The following SORCS3 variants were observed in gnomAD, a reference collection of about 807,000 sequenced individuals.
SORCS3 encodes the protein VPS10 domain-containing receptor SorCS3.
Under a neutral mutation model 146.3 loss-of-function variants are expected in SORCS3, and 57 were observed. The observed-to-expected ratio is 0.39, with a 90% CI of 0.31 to 0.49. The LOEUF is 0.49. Among genes scored for constraint, SORCS3 ranks in the 20% least tolerant of loss-of-function variants. SORCS3 has a pLI of 0.92. For synonymous variants in SORCS3, 653 were observed against 618.5 expected (o/e 1.06, Z -0.83); for missense variants, 1,341 against 1,575.5 (o/e 0.85, Z 2.52).
At chr10:104,997,958 A>G (rs940805852) in intron 4 of SORCS3, among the ~76,000 whole-genome samples, 16 of 152,294 alleles carry the variant, frequency 1.1e-4, no homozygotes, top group Non-Finnish European at 2.1e-4. Context: ...GATGATCAGC[A>G]GGAAATGGCC....
intron 3 of SORCS3, among the ~76,000 whole-genome samples, chr10:104,975,055 C>T (rs981434515): frequency 5.9e-5 from 9 of 151,938 alleles, no homozygotes; most frequent in Non-Finnish European, 1.0e-4. Flanking sequence ...GAGTTTCTGC[C>T]GAGAGATCCC....
chr10:105,094,896 G>T (rs1439706846), intron 6 of SORCS3, among the ~76,000 whole-genome samples: 2 of 152,192 alleles, frequency 1.3e-5, no homozygotes, highest in Middle Eastern at 3.2e-3. Flanking sequence ...ATGGAGATAG[G>T]TTGGTGAAGG....
intron 1 of SORCS3, among the ~76,000 whole-genome samples, chr10:104,794,998 A>C (rs888052952): frequency 6.6e-6 from 1 of 152,232 alleles, no homozygotes. Flanking sequence ...TAGGTATATC[A>C]GACCCAGTTT....
At chr10:104,909,094 A>C (rs1221018931) in intron 2 of SORCS3, among the ~76,000 whole-genome samples, 1 of 152,142 alleles carries the variant, frequency 6.6e-6, no homozygotes, top group East Asian at 1.9e-4. Context: ...CTAGAGCAGC[A>C]CCACCAAATC....
At chr10:104,852,236 C>G (rs1041330472) in intron 2 of SORCS3, among the ~76,000 whole-genome samples, 1 of 152,186 alleles carries the variant, frequency 6.6e-6, no homozygotes. Context: ...GATCTGTGGT[C>G]CCTAGTGGGT....
chr10:104,943,273 G>A (rs2133620037), intron 3 of SORCS3, among the ~76,000 whole-genome samples: 1 of 152,142 alleles, frequency 6.6e-6, no homozygotes, highest in East Asian at 1.9e-4. Context: ...GGGAGTACAG[G>A]TGCATGCTGC....
intron 1 of SORCS3, among the ~76,000 whole-genome samples, chr10:104,773,217 A>G (rs910479381): frequency 2.6e-5 from 4 of 152,148 alleles, no homozygotes; most frequent in Non-Finnish European, 4.4e-5. Flanking sequence ...ATCTGAGACC[A>G]CAGAGGCATG....
chr10:104,936,138 T>C (rs2019257636), intron 3 of SORCS3, among the ~76,000 whole-genome samples: 1 of 152,222 alleles, frequency 6.6e-6, no homozygotes, highest in South Asian at 2.1e-4. Flanking sequence ...ACCAGTAAAT[T>C]AATCTATTAT....
rs773281804 is a variant in SORCS3, at chr10:105,217,122, T to C, written c.2734T>C (p.Cys912Arg). 1.2e-6 allele frequency: 2 copies of C among 1,613,638 alleles called. No homozygotes were observed. Among genetic ancestry groups the C allele is most frequent in the Non-Finnish European group, 1.7e-6 (2 of 1,179,670 alleles). Residue 912 changes from cysteine to arginine, a missense_variant and splice_region_variant, in exon 19 of 27, where the codon TGT becomes CGT. Cys to Arg is a radical substitution (Grantham distance 180). Transcript: ENST00000369701. Reference sequence around the variant, plus strand: ...AGCTGTCCTCTTCCTGCATGTGGTTTGTAAGTAGGAGGCACCATCCCCGTT... The same window carrying C: ...AGCTGTCCTCTTCCTGCATGTGGTTCGTAAGTAGGAGGCACCATCCCCGTT... ...DTAVLFLHVV[C>R]PVEHVHLRVP...
At chr10:105,128,237 G>A (rs1481506978) in intron 7 of SORCS3, among the ~76,000 whole-genome samples, 1 of 152,154 alleles carries the variant, frequency 6.6e-6, no homozygotes, top group Non-Finnish European at 1.5e-5. Flanking sequence ...TGATGGGGAA[G>A]CTCCAAGAAG....
At chr10:104,718,081 G>A (rs2016500170) in intron 1 of SORCS3, among the ~76,000 whole-genome samples, 1 of 152,170 alleles carries the variant, frequency 6.6e-6, no homozygotes, top group African/African-American at 2.4e-5. Flanking sequence ...GGGAGGCGGA[G>A]GTTGTGGTGA....
intron 3 of SORCS3, among the ~76,000 whole-genome samples, chr10:104,944,718 G>A (rs552491069): frequency 3.7e-4 from 56 of 152,272 alleles, no homozygotes; most frequent in African/African-American, 1.1e-3. Flanking sequence ...TGGCAAGAAG[G>A]TGAGGCAACT....
intron 1 of SORCS3, among the ~76,000 whole-genome samples, chr10:104,778,853 A>T (rs1197863100): frequency 3.3e-5 from 5 of 151,904 alleles, no homozygotes; most frequent in Non-Finnish European, 7.4e-5. Context: ...CCACATCTCC[A>T]CTCCTGGAAC....
intron 5 of SORCS3, among the ~76,000 whole-genome samples, chr10:105,076,985 T>C (rs2055593011): frequency 6.6e-6 from 1 of 152,224 alleles, no homozygotes; most frequent in African/African-American, 2.4e-5. Context: ...GATTCTTTAA[T>C]CAAATTGAAT....
At chr10:104,884,489 T>G (rs1682360797) in intron 2 of SORCS3, among the ~76,000 whole-genome samples, 1 of 152,160 alleles carries the variant, frequency 6.6e-6, no homozygotes, top group Non-Finnish European at 1.5e-5. Flanking sequence ...GAGCTTTAGG[T>G]GCCAGGGAAA....
At chr10:104,947,796 T>C (rs990060119) in intron 3 of SORCS3, among the ~76,000 whole-genome samples, 1 of 152,046 alleles carries the variant, frequency 6.6e-6, no homozygotes, top group African/African-American at 2.4e-5. Flanking sequence ...CTAATTTTTG[T>C]ATTTTTAGTA....
intron 16 of SORCS3, among the ~76,000 whole-genome samples, chr10:105,202,625 T>A (rs1235505167): frequency 6.6e-6 from 1 of 152,186 alleles, no homozygotes; most frequent in African/African-American, 2.4e-5. Flanking sequence ...TCCAGTAGAA[T>A]GTAAGTGCTG....
intron 1 of SORCS3, among the ~76,000 whole-genome samples, chr10:104,796,968 T>A (rs1409893600): frequency 6.6e-6 from 1 of 152,362 alleles, no homozygotes; most frequent in East Asian, 1.9e-4. Context: ...GGATGGCCCT[T>A]GCCTGTCAGT....
intron 1 of SORCS3, among the ~76,000 whole-genome samples, chr10:104,710,635 C>T (rs556684447): frequency 6.6e-6 from 1 of 152,300 alleles, no homozygotes; most frequent in South Asian, 2.1e-4. Flanking sequence ...AACAGCACAT[C>T]CATGAGGTTT....
Sources: gnomAD v4.1 joint callset for allele counts (sites outside exome capture counted in the v4.1 genomes callset) on GRCh38, gnomAD v4.1.1 for gene constraint, MANE v1.5 for transcripts, NCBI Gene and HGNC (gene_info 2026-07-23, HGNC 2026-07-21) for gene names.